The following SSUH2 variants were observed in gnomAD, a reference collection of about 807,000 sequenced individuals.
SSUH2 encodes ssu-2 homolog.
SSUH2 carries 47 observed loss-of-function variants against 55.3 expected under a neutral mutation model. That is an observed-to-expected ratio of 0.85 (90% CI 0.67 to 1.08). The LOEUF is 1.08. SSUH2 is among the 50% of genes least tolerant of loss of function. The probability of loss-of-function intolerance (pLI) is 0.00; values close to 1 mark genes in which losing one functional copy is unlikely to be tolerated. For missense variants in SSUH2, 535 were observed against 490.7 expected (o/e 1.09, Z -0.85); for synonymous variants, 212 against 191.5 (o/e 1.11, Z -0.89).
intron 7 of SSUH2, among the ~76,000 whole-genome samples, chr3:8,655,990 T>C (rs757652313): frequency 1.3e-5 from 2 of 152,222 alleles, no homozygotes; most frequent in African/African-American, 2.4e-5. Context: ...TCTAACTAAA[T>C]ATAAGCCTGT....
chr3:8,635,437 G>T, intron 2 of SSUH2, 56 bp from the exon 3 acceptor site: 1 of 1,269,816 alleles, frequency 7.9e-7, no homozygotes, highest in Non-Finnish European at 1.1e-6. Flanking sequence ...ACAAATATTT[G>T]TGTGGTGGAA....
intron 3 of SSUH2, among the ~76,000 whole-genome samples, 189 bp downstream of exon 3, chr3:8,635,111 G>A (rs1699692838): frequency 6.6e-6 from 1 of 152,182 alleles, no homozygotes; most frequent in African/African-American, 2.4e-5. Flanking sequence ...TGGCTTTGTT[G>A]CCAAACCACC....
intron 1 of SSUH2, among the ~76,000 whole-genome samples, chr3:8,680,742 C>G (rs1222174090): frequency 6.6e-6 from 1 of 152,006 alleles, no homozygotes; most frequent in African/African-American, 2.4e-5. Flanking sequence ...GCATCTCACA[C>G]AGGGGTGTAT....
At chr3:8,672,139 C>T (rs1332148027) in intron 3 of SSUH2, 4 of 151,950 alleles carry the variant, frequency 2.6e-5, no homozygotes, top group East Asian at 1.9e-4. Context: ...TCACTGGGGG[C>T]GTGTCCACCC....
intron 7 of SSUH2, among the ~76,000 whole-genome samples, chr3:8,657,611 T>C (rs1416793003): frequency 6.6e-6 from 1 of 152,086 alleles, no homozygotes; most frequent in Admixed American, 6.5e-5. Context: ...CACTGGGCAC[T>C]GAAGGATGAA....
intron 10 of SSUH2, 130 bp downstream of exon 10, chr3:8,625,412 G>A: frequency 1.6e-6 from 1 of 612,804 alleles, no homozygotes; most frequent in Non-Finnish European, 2.9e-6. Context: ...ATCCATGTCT[G>A]GGGAGCTCTG....
In SSUH2 at chr3:8,681,069, G is replaced by A. The variant is rs904084282; in HGVS notation, c.-1046+822C>T. Among the ~76,000 whole-genome samples the A allele has an allele frequency of 8.0e-5, 8 of 100,108 alleles. 1 individual carries two copies. The highest frequency in any genetic ancestry group is 1.4e-4 in the Non-Finnish European group (6 of 41,678). The allele number at this position is 100,108 out of a possible 152,430, so 65.7% of individuals were successfully genotyped here. A position where few individuals can be genotyped will look rare whatever the true frequency, so the allele number is the denominator to read the frequency against. On this transcript the variant is annotated intron_variant, in intron 1 of 18. Coordinates refer to the SSUH2 transcript ENST00000317371. ...CCCCCTCTTCCCCCGCTGGCTCTTA[G>A]GACTTCCATAGCAGGGGGGAGAGGC...
At chr3:8,670,286 TCACAAGGTGTA>T (rs1704411894) in intron 5 of SSUH2, among the ~76,000 whole-genome samples, 4 of 152,078 alleles carry the variant, frequency 2.6e-5, no homozygotes, top group Non-Finnish European at 5.9e-5. Context: ...ACAGATCACG[TCACAAGGTGTA>T]CACCTTCTGT....
intron 8 of SSUH2, chr3:8,626,883 C>T (rs1329719523): frequency 6.6e-6 from 1 of 152,336 alleles, no homozygotes; most frequent in African/African-American, 2.4e-5. Flanking sequence ...TGAAGCCATC[C>T]CTGAAATATA....
At chr3:8,675,934 G>A (rs1380735388) in intron 3 of SSUH2, among the ~76,000 whole-genome samples, 1 of 152,114 alleles carries the variant, frequency 6.6e-6, no homozygotes, top group Non-Finnish European at 1.5e-5. Flanking sequence ...TGAGGCCAGT[G>A]GCCTACCTCT....
intron 7 of SSUH2, among the ~76,000 whole-genome samples, chr3:8,653,669 T>A (rs984306814): frequency 2.1e-4 from 32 of 152,256 alleles, no homozygotes; most frequent in Non-Finnish European, 2.8e-4. Context: ...TTCACAAGAC[T>A]TTTGTTTTTA....
chr3:8,633,759 G>T lies in SSUH2; in HGVS notation c.246C>A (p.Ala82=). The change falls in exon 4 of 12, where the codon GCC becomes GCA. Residue 82 remains alanine, a synonymous_variant. Transcript: ENST00000544814. The stretch of plus-strand genomic sequence containing the variant: ...ACTTAGAGTCCACAAAGCTGAGGAG[G>T]GCTTCCCGGGCCACCTCCTCCGTCA... The part of the protein sequence containing the change: ...PAMTEEVARE[A]LLSFVDSKCC... 6.2e-7 allele frequency: 1 copy of T among 1,610,868 alleles called. No homozygotes were observed. Among genetic ancestry groups the T allele is most frequent in the Non-Finnish European group, 8.5e-7 (1 of 1,178,234 alleles).
intron 6 of SSUH2, chr3:8,659,517 A>C (rs1477960617): frequency 1.1e-5 from 3 of 278,566 alleles, no homozygotes; most frequent in African/African-American, 6.8e-5. Flanking sequence ...GTCTGTGAAC[A>C]TGGGACACCT....
upstream of SSUH2, among the ~76,000 whole-genome samples, chr3:8,648,456 G>A (rs1333793856): frequency 1.3e-5 from 2 of 152,194 alleles, no homozygotes; most frequent in Non-Finnish European, 2.9e-5. Context: ...AAACTACGAT[G>A]CCCGCAGGCC....
chr3:8,634,743 G>T (rs1575146333), intron 3 of SSUH2: 3 of 403,116 alleles, frequency 7.4e-6, no homozygotes, highest in Non-Finnish European at 1.4e-5. Context: ...TGCTGCCCAG[G>T]TGAGAGGCTG....
intron 10 of SSUH2, among the ~76,000 whole-genome samples, chr3:8,624,230 C>T (rs1160352211): frequency 2.0e-5 from 3 of 152,188 alleles, no homozygotes; most frequent in African/African-American, 7.2e-5. Flanking sequence ...CCTGTTCTGC[C>T]CCTCATTGTG....
Position 8,619,807 on chromosome 3 carries a change from G to C in SSUH2, c.*61C>G, listed in dbSNP as rs1450313154. 2 of 1,578,790 alleles carry C rather than the reference G, an allele frequency of 1.3e-6. No homozygotes were observed. The highest frequency in any genetic ancestry group is 2.7e-5 in the African/African-American group (2 of 74,330). On this transcript the variant is annotated 3_prime_UTR_variant, in exon 12 of 12. Transcript: ENST00000544814. ...GCAGCCAACAGTGAACACACTCAGA[G>C]AGTGTCGGCCATCTTCCTTGGCAAA...
intron 6 of SSUH2, chr3:8,659,658 A>G (rs761736488): frequency 4.8e-6 from 2 of 413,394 alleles, no homozygotes; most frequent in Admixed American, 2.6e-5. Flanking sequence ...CAGTCCCCTG[A>G]CCCAAACCCT....
chr3:8,629,999 G>A (rs536570104), intron 6 of SSUH2, among the ~76,000 whole-genome samples: 1 of 152,226 alleles, frequency 6.6e-6, no homozygotes, highest in East Asian at 1.9e-4. Context: ...CACACTCTAC[G>A]GTTTCCTACC....
Sources: allele counts gnomAD v4.1 joint callset (sites outside exome capture counted in the v4.1 genomes callset), GRCh38; gene constraint gnomAD v4.1.1; transcripts MANE v1.5; gene names NCBI Gene and HGNC (gene_info 2026-07-23, HGNC 2026-07-21).